E2F5: variants seen among roughly 807,000 people sequenced by gnomAD.
E2F5 encodes E2F transcription factor 5, also known as transcription factor E2F5.
E2F5 carries 23 observed loss-of-function variants against 39.1 expected under a neutral mutation model. The ratio of observed to expected loss-of-function variants is 0.59; its 90% CI spans 0.42 to 0.83. The LOEUF is 0.83. Ranked by LOEUF, E2F5 falls within the 40% of genes least tolerant of loss-of-function variation. The probability of loss-of-function intolerance (pLI) is 0.00; values close to 1 mark genes in which losing one functional copy is unlikely to be tolerated. For missense variants in E2F5, 365 were observed against 406.7 expected (o/e 0.90, Z 0.88); for synonymous variants, 145 against 157.8 (o/e 0.92, Z 0.61).
At chr8:85,195,150 C>T (rs575311707) in intron 1 of E2F5, among the ~76,000 whole-genome samples, 11 of 151,820 alleles carry the variant, frequency 7.2e-5, no homozygotes, top group South Asian at 2.1e-4. Context: ...TTTGGGAGGC[C>T]GAGGTGGGTG....
chr8:85,193,798 TG>T (rs1015653292), intron 1 of E2F5, among the ~76,000 whole-genome samples: 8 of 152,248 alleles, frequency 5.3e-5, no homozygotes, highest in Non-Finnish European at 8.8e-5. Context: ...TATTATTGCA[TG>T]TACCAATGGT....
At chr8:85,213,591 A>T (rs985583818) in intron 7 of E2F5, 162 bp from the exon 8 acceptor site, 2 of 414,398 alleles carry the variant, frequency 4.8e-6, no homozygotes, top group Non-Finnish European at 8.6e-6. Context: ...TCTCAATCTA[A>T]TATCAATATT....
chr8:85,188,460 G>A (rs1812391608), intron 1 of E2F5, among the ~76,000 whole-genome samples: 1 of 152,076 alleles, frequency 6.6e-6, no homozygotes, highest in African/African-American at 2.4e-5. Flanking sequence ...AGCTTTGTGG[G>A]GTTTGGTATT....
At chr8:85,211,640 GTTGT>G (rs1812923081) in intron 6 of E2F5, among the ~76,000 whole-genome samples, 1 of 81,058 alleles carries the variant, frequency 1.2e-5, no homozygotes, top group African/African-American at 6.3e-5. Context: ...GAGGTTTGTT[GTTGT>G]TTTTTTTTTT....
At chr8:85,201,086 A>C (rs1450944411) in intron 1 of E2F5, among the ~76,000 whole-genome samples, 1 of 152,208 alleles carries the variant, frequency 6.6e-6, no homozygotes, top group Admixed American at 6.5e-5. Context: ...AAATGCCTGT[A>C]CAGTGAATAT....
chr8:85,212,293 A>G, intron 7 of E2F5, 89 bp downstream of exon 7: 2 of 991,764 alleles, frequency 2.0e-6, no homozygotes, highest in Admixed American at 4.3e-5. Context: ...AAATGAACAT[A>G]TATTTGCTAC....
At chr8:85,203,499 A>G (rs1262369759) in intron 3 of E2F5, among the ~76,000 whole-genome samples, 1 of 152,114 alleles carries the variant, frequency 6.6e-6, no homozygotes, top group Non-Finnish European at 1.5e-5. Flanking sequence ...AGATTAGCCA[A>G]CTTTTGGTCT....
intron 1 of E2F5, among the ~76,000 whole-genome samples, chr8:85,194,781 C>T (rs966144939): frequency 2.0e-5 from 3 of 151,232 alleles, no homozygotes; most frequent in African/African-American, 7.3e-5. Context: ...GATCCACCCT[C>T]CTCGGCCTCC....
intron 1 of E2F5, among the ~76,000 whole-genome samples, chr8:85,190,211 T>G (rs1454443170): frequency 1.3e-5 from 2 of 152,100 alleles, no homozygotes; most frequent in Admixed American, 1.3e-4. Flanking sequence ...AGGTGTTTCC[T>G]GCTGCCTGAA....
intron 1 of E2F5, among the ~76,000 whole-genome samples, chr8:85,182,866 A>T (rs922584948): frequency 1.3e-5 from 2 of 152,126 alleles, no homozygotes; most frequent in African/African-American, 4.8e-5. Context: ...AATTAATGTG[A>T]TAAAGTATGG....
Position 85,213,837 on chromosome 8 carries a change from T to C in E2F5, c.1016T>C (p.Phe339Ser). The change falls in exon 8 of 8, where the codon TTT becomes TCT. Residue 339 changes from phenylalanine to serine, a missense_variant. Physicochemically the swap from Phe to Ser is radical, Grantham distance 155. Coordinates refer to ENST00000416274, the MANE Select transcript of E2F5 (RefSeq NM_001951.4). Reference sequence around the variant, plus strand: ...GATAACGAAGGAGTTTGTGATCTGTTTGATGTCCAGATACTAAATTATTAG... The same window carrying C: ...GATAACGAAGGAGTTTGTGATCTGTCTGATGTCCAGATACTAAATTATTAG... The part of the protein sequence containing the change: ...LDDNEGVCDL[F>S]DVQILNY The C allele has an allele frequency of 6.2e-7, 1 of 1,608,948 alleles. No homozygotes were observed. Among genetic ancestry groups the C allele is most frequent in the Non-Finnish European group, 8.5e-7 (1 of 1,175,576 alleles).
At chr8:85,177,675 C>T (rs1357375255) in intron 1 of E2F5, 21 bp downstream of exon 1, 1 of 1,266,064 alleles carries the variant, frequency 7.9e-7, no homozygotes, top group Non-Finnish European at 1.0e-6. Flanking sequence ...GAGGCGGGGA[C>T]GGGGGCGGAC....
Position 85,214,163 on chromosome 8 carries a change from G to A in E2F5, c.*301G>A, listed in dbSNP as rs754887327. 9.3e-6 allele frequency: 5 copies of A among 536,386 alleles called. No homozygotes were observed. The East Asian group carries it at 1.9e-4, about 20-fold the overall frequency. The allele number at this position is 536,386 out of a possible 1,614,324, so 33.2% of individuals were successfully genotyped here. ...CCTTCTGTTTTTTCTTCTTAAGGAG[G>A]AAAGTTAAAGGACACTACAGGTCAT... On this transcript the variant is annotated 3_prime_UTR_variant, in exon 8 of 8. Coordinates refer to ENST00000416274, the MANE Select transcript of E2F5 (RefSeq NM_001951.4).
intron 1 of E2F5, among the ~76,000 whole-genome samples, chr8:85,198,039 C>T (rs1812617272): frequency 6.6e-6 from 1 of 152,112 alleles, no homozygotes; most frequent in Admixed American, 6.6e-5. Context: ...TTCCTTTCTC[C>T]CCGATCCCAG....
intron 1 of E2F5, among the ~76,000 whole-genome samples, chr8:85,198,541 C>T (rs1333807227): frequency 6.6e-6 from 1 of 152,158 alleles, no homozygotes; most frequent in Non-Finnish European, 1.5e-5. Context: ...CATGATCTTT[C>T]CAAAGGCAAA....
intron 3 of E2F5, among the ~76,000 whole-genome samples, chr8:85,203,989 T>G (rs956722866): frequency 6.6e-6 from 1 of 151,880 alleles, no homozygotes; most frequent in Non-Finnish European, 1.5e-5. Flanking sequence ...CTAACCACAT[T>G]TTACCTTGTA....
intron 1 of E2F5, among the ~76,000 whole-genome samples, chr8:85,196,051 A>G: frequency 6.6e-6 from 1 of 152,174 alleles, no homozygotes; most frequent in East Asian, 1.9e-4. Flanking sequence ...CAAAAATATC[A>G]AATACAGTAG....
intron 1 of E2F5, among the ~76,000 whole-genome samples, chr8:85,191,760 T>A (rs1054984667): frequency 6.6e-6 from 1 of 152,220 alleles, no homozygotes; most frequent in African/African-American, 2.4e-5. Context: ...AATATGGAAT[T>A]ATTTATTCCT....
chr8:85,189,776 T>G (rs1342565059), intron 1 of E2F5, among the ~76,000 whole-genome samples: 1 of 152,212 alleles, frequency 6.6e-6, no homozygotes, highest in African/African-American at 2.4e-5. Flanking sequence ...TTTTATGTTT[T>G]TTTCCTATTT....
Sources: gnomAD v4.1 joint callset for allele counts (sites outside exome capture counted in the v4.1 genomes callset) on GRCh38, gnomAD v4.1.1 for gene constraint, MANE v1.5 for transcripts, NCBI Gene and HGNC (gene_info 2026-07-23, HGNC 2026-07-21) for gene names.